ACTR3: variants seen among roughly 807,000 people sequenced by gnomAD.
ACTR3 encodes the protein actin related protein 3, also known as actin-related protein 3.
A neutral mutation model predicts 56.8 loss-of-function variants in ACTR3; 12 were observed. That is an observed-to-expected ratio of 0.21 (90% CI 0.14 to 0.34). The LOEUF is 0.34. ACTR3 is among the 10% of genes least tolerant of loss of function. The pLI is 1.00. For missense variants in ACTR3, 282 were observed against 512.5 expected, an observed-to-expected ratio of 0.55 and a Z score of 4.34; for synonymous variants, 162 against 167.4, an observed-to-expected ratio of 0.97 and a Z score of 0.25.
intron 10 of ACTR3, chr2:113,953,599 T>A (rs1680158473): frequency 6.6e-6 from 1 of 152,206 alleles, no homozygotes; most frequent in African/African-American, 2.4e-5. Flanking sequence ...TATCTCTGGC[T>A]TTATTTTCCT....
intron 1 of ACTR3, 141 bp from the exon 2 acceptor site, chr2:113,913,031 G>A: frequency 1.9e-6 from 1 of 540,314 alleles, no homozygotes; most frequent in Non-Finnish European, 3.3e-6. Flanking sequence ...GAAAGTAGGG[G>A]TTAAATGAAG....
intron 1 of ACTR3, among the ~76,000 whole-genome samples, chr2:113,893,226 GT>G (rs930394623): frequency 8.2e-5 from 12 of 146,574 alleles, no homozygotes; most frequent in East Asian, 5.9e-4. Context: ...TCATCCTAAG[GT>G]TTTTTTTTTT....
At chr2:113,940,691 A>G (rs986136031) in intron 7 of ACTR3, among the ~76,000 whole-genome samples, 9 of 151,630 alleles carry the variant, frequency 5.9e-5, no homozygotes, top group Non-Finnish European at 1.0e-4. Context: ...AAAAAATTTC[A>G]GTGGGTTTCA....
chr2:113,889,994 A>C, upstream of ACTR3: 1 of 525,710 alleles, frequency 1.9e-6, no homozygotes, highest in Non-Finnish European at 3.4e-6. Context: ...GCGTGAGGGG[A>C]AGAAGTTGTA....
chr2:113,892,494 A>G (rs1678924396), intron 1 of ACTR3, among the ~76,000 whole-genome samples: 1 of 152,292 alleles, frequency 6.6e-6, no homozygotes, highest in African/African-American at 2.4e-5. Flanking sequence ...TTGGTTCTCA[A>G]AAGCCTTTTT....
intron 3 of ACTR3, among the ~76,000 whole-genome samples, chr2:113,920,865 A>G (rs1396500209): frequency 2.0e-5 from 3 of 152,204 alleles, no homozygotes. Context: ...TATACTACAC[A>G]TATCCGTATG....
rs1235183963 is a variant in ACTR3, at chr2:113,961,736, AG to A, written c.*4284del. On this transcript the variant is annotated 3_prime_UTR_variant, in exon 12 of 12. Transcript: ENST00000263238. ...CTAATAGTAAAGGCACTCTTAGAGG[AG>A]GGACAAATATTTTGCCTAGATAAGA... 6.6e-6 allele frequency: 1 copy of A among 151,968 alleles called. No homozygotes were observed. The highest frequency in any genetic ancestry group is 2.4e-5 in the African/African-American group (1 of 41,436). 9.4% of individuals were successfully genotyped at this position (151,968 alleles called of 1,614,324 possible).
At position 113,916,994 on chromosome 2, in the gene ACTR3, A is replaced by T. The variant is rs766714085; in HGVS notation, c.211A>T (p.Thr71Ser). The T allele has an allele frequency of 6.2e-7, 1 of 1,603,298 alleles. No individual in the cohort carries two copies. The highest frequency in any genetic ancestry group is 1.1e-5 in the South Asian group (1 of 88,984). Residue 71 changes from threonine to serine, a missense_variant, in exon 3 of 12, where the codon ACA becomes TCA. Transcript: ENST00000263238. The part of the protein sequence containing the change: ...FIGDEAIEKP[T>S]YATKWPIRHG... The stretch of plus-strand genomic sequence containing the variant: ...TGGTGATGAAGCAATAGAAAAACCT[A>T]CATATGCAACAAAGGTATGTTTTTA...
chr2:113,949,386 A>AAG (rs1482576326), intron 8 of ACTR3, among the ~76,000 whole-genome samples: 1 of 135,028 alleles, frequency 7.4e-6, no homozygotes, highest in African/African-American at 3.6e-5. Flanking sequence ...TCAAAAAAAA[A>AAG]AAAAAAAGAA....
At chr2:113,911,722 C>T (rs775590547) in intron 1 of ACTR3, among the ~76,000 whole-genome samples, 1 of 151,806 alleles carries the variant, frequency 6.6e-6, no homozygotes, top group African/African-American at 2.4e-5. Flanking sequence ...AAACATTCCC[C>T]AAAGATATTG....
At chr2:113,929,184 T>A (rs1679674649) in intron 4 of ACTR3, among the ~76,000 whole-genome samples, 1 of 152,010 alleles carries the variant, frequency 6.6e-6, no homozygotes, top group Non-Finnish European at 1.5e-5. Flanking sequence ...GCTCTGTTGC[T>A]CAGGCTGGAA....
chr2:113,923,241 A>G (rs906463942), intron 3 of ACTR3, among the ~76,000 whole-genome samples: 5 of 152,188 alleles, frequency 3.3e-5, no homozygotes, highest in Non-Finnish European at 7.4e-5. Context: ...ATCCAATTAT[A>G]TGTAACAGTT....
chr2:113,925,728 C>G lies in ACTR3; in HGVS notation c.226-1617C>G, dbSNP rs80205040. ...AAAGTAAACTGCAATTTTTTCCTTC[C>G]TTAAAGCAAACTGGGGAGTAGAAGT... is the stretch of plus-strand genomic sequence containing the variant. On this transcript the variant is annotated intron_variant, in intron 3 of 11. Coordinates refer to ENST00000263238, the MANE Select transcript of ACTR3 (RefSeq NM_005721.5). 0.024 allele frequency among the ~76,000 whole-genome samples: 3,687 copies of G among 152,032 alleles called. 219 individuals are homozygous for G. The East Asian group carries it at 0.26, about 11-fold the overall frequency.
chr2:113,894,182 C>T (rs1400968958), intron 1 of ACTR3, among the ~76,000 whole-genome samples: 1 of 152,006 alleles, frequency 6.6e-6, no homozygotes, highest in East Asian at 1.9e-4. Context: ...CTCCTTCTGC[C>T]TCCTGGGTTC....
intron 3 of ACTR3, among the ~76,000 whole-genome samples, chr2:113,918,828 T>C (rs1283615804): frequency 6.6e-6 from 1 of 152,220 alleles, no homozygotes; most frequent in African/African-American, 2.4e-5. Flanking sequence ...AGAGAAATTA[T>C]TTGGGTAAGG....
intron 2 of ACTR3, among the ~76,000 whole-genome samples, chr2:113,915,216 A>G (rs1679381330): frequency 6.6e-6 from 1 of 152,234 alleles, no homozygotes. Context: ...TCTGGAGTCC[A>G]GAAGTACAAA....
chr2:113,919,688 C>T (rs954774217), intron 3 of ACTR3, among the ~76,000 whole-genome samples: 1 of 152,070 alleles, frequency 6.6e-6, no homozygotes, highest in Non-Finnish European at 1.5e-5. Flanking sequence ...CCGAGATAGT[C>T]TTATTTATCC....
chr2:113,926,131 C>G (rs1471578644), intron 3 of ACTR3, among the ~76,000 whole-genome samples: 2 of 152,210 alleles, frequency 1.3e-5, no homozygotes, highest in African/African-American at 4.8e-5. Context: ...CTCAGCTTCT[C>G]AAACCTGGAA....
At chr2:113,936,202 A>G (rs920442485) in intron 6 of ACTR3, among the ~76,000 whole-genome samples, 1 of 151,384 alleles carries the variant, frequency 6.6e-6, no homozygotes, top group African/African-American at 2.4e-5. Context: ...TGAGGAGGGA[A>G]GATAACCTGA....
Sources: allele counts gnomAD v4.1 joint callset (sites outside exome capture counted in the v4.1 genomes callset), GRCh38; gene constraint gnomAD v4.1.1; transcripts MANE v1.5; gene names NCBI Gene and HGNC (gene_info 2026-07-23, HGNC 2026-07-21).